PRKAR1A: variants seen among roughly 807,000 people sequenced by gnomAD.
PRKAR1A encodes cAMP-dependent protein kinase type I-alpha regulatory subunit.
In PRKAR1A, 3 loss-of-function variants were observed where a neutral mutation model predicts 52.0. That is an observed-to-expected ratio of 0.06 (90% CI 0.03 to 0.15). PRKAR1A has a LOEUF of 0.15. Among genes scored for constraint, PRKAR1A ranks in the 10% least tolerant of loss-of-function variants. PRKAR1A has a pLI of 1.00. For missense variants in PRKAR1A, 240 were observed against 477.4 expected (o/e 0.50, Z 4.63); for synonymous variants, 188 against 168.4 (o/e 1.12, Z -0.90).
the PRKAR1A span, among the ~76,000 whole-genome samples, chr17:68,495,615 C>T: frequency 6.6e-6 from 1 of 152,128 alleles, no homozygotes; most frequent in Admixed American, 6.5e-5. Context: ...ATTGCACGTG[C>T]TTCTCTTATT....
the PRKAR1A span, among the ~76,000 whole-genome samples, chr17:68,493,360 A>T: frequency 2.0e-5 from 3 of 152,156 alleles, no homozygotes; most frequent in Non-Finnish European, 4.4e-5. Flanking sequence ...AAGAGGGCCA[A>T]GCAGGCAACT....
chr17:68,506,214 C>T, the PRKAR1A span, among the ~76,000 whole-genome samples: 1 of 151,952 alleles, frequency 6.6e-6, no homozygotes, highest in African/African-American at 2.4e-5. Context: ...TCCAGCCTCA[C>T]ACCATCTTCC....
the PRKAR1A span, among the ~76,000 whole-genome samples, chr17:68,434,360 A>G: frequency 6.6e-6 from 1 of 152,324 alleles, no homozygotes; most frequent in East Asian, 1.9e-4. Flanking sequence ...GAACTGTGTT[A>G]AAACAGCATC....
chr17:68,474,483 A>G, the PRKAR1A span, among the ~76,000 whole-genome samples: 2 of 152,208 alleles, frequency 1.3e-5, no homozygotes, highest in Non-Finnish European at 2.9e-5. Flanking sequence ...GATGTCACAC[A>G]TAGTGAGAAG....
chr17:68,489,786 C>T, the PRKAR1A span, among the ~76,000 whole-genome samples: 1 of 151,976 alleles, frequency 6.6e-6, no homozygotes, highest in Non-Finnish European at 1.5e-5. Context: ...GAACTCCTGA[C>T]CTCAAGTGAT....
chr17:68,542,513 T>C (rs2086347908), intron 11 of PRKAR1A, among the ~76,000 whole-genome samples: 1 of 152,074 alleles, frequency 6.6e-6, no homozygotes, highest in Non-Finnish European at 1.5e-5. Context: ...ACCTTTCCCA[T>C]CCAGTTCATC....
the PRKAR1A span, among the ~76,000 whole-genome samples, chr17:68,452,163 CATT>C: frequency 6.6e-6 from 1 of 152,372 alleles, no homozygotes; most frequent in Non-Finnish European, 1.5e-5. Flanking sequence ...GCTTCAACAT[CATT>C]GACATGGGCT....
At chr17:68,460,917 G>C in the PRKAR1A span, among the ~76,000 whole-genome samples, 6 of 152,196 alleles carry the variant, frequency 3.9e-5, no homozygotes, top group Admixed American at 6.5e-5. Context: ...AATAACTTAA[G>C]AGGTGCTGAA....
At chr17:68,523,585 A>G in intron 3 of PRKAR1A, 140 bp from the exon 4 acceptor site, 1 of 701,174 alleles carries the variant, frequency 1.4e-6, no homozygotes, top group Non-Finnish European at 2.6e-6. Context: ...AAGATAGTAC[A>G]AGTGTGTTGT....
At chr17:68,514,905 G>A (rs1236346074) in intron 1 of PRKAR1A, 3 of 181,152 alleles carry the variant, frequency 1.7e-5, no homozygotes, top group Admixed American at 1.1e-4. Flanking sequence ...GCTCTGTGAC[G>A]TTAGGATACT....
chr17:68,446,936 G>A, the PRKAR1A span, among the ~76,000 whole-genome samples: 1 of 152,226 alleles, frequency 6.6e-6, no homozygotes, highest in East Asian at 1.9e-4. Flanking sequence ...GGGAGGGAAC[G>A]AGGATGCACT....
At chr17:68,523,033 C>T (rs2085667501) in intron 3 of PRKAR1A, 107 bp downstream of exon 3, 19 of 1,348,814 alleles carry the variant, frequency 1.4e-5, no homozygotes, top group Non-Finnish European at 1.8e-5. Context: ...GGTGGAACTT[C>T]ATCCATCCTG....
chr17:68,452,834 A>G, the PRKAR1A span: 3 of 1,338,138 alleles, frequency 2.2e-6, no homozygotes, highest in East Asian at 6.9e-5. Context: ...GCAGCTTGGT[A>G]GCACCGCAGA....
the PRKAR1A span, among the ~76,000 whole-genome samples, chr17:68,489,406 A>ATATATATATGGAAAG: frequency 5.4e-4 from 59 of 110,216 alleles, 1 homozygote; most frequent in African/African-American, 1.9e-3. Flanking sequence ...TGGAAAGTAT[A>ATATATATATGGAAAG]TATATATATA....
chr17:68,424,310 T>C, the PRKAR1A span: 2 of 428,544 alleles, frequency 4.7e-6, no homozygotes, highest in Admixed American at 3.0e-5. Flanking sequence ...GCAGAGCCGA[T>C]GTGGGAAATC....
At chr17:68,461,667 C>T in the PRKAR1A span, among the ~76,000 whole-genome samples, 5 of 152,128 alleles carry the variant, frequency 3.3e-5, no homozygotes, top group Admixed American at 1.3e-4. This position sits in a 1 kb window ranked among gnomAD's most constrained non-coding sequence, Gnocchi z 4.6. Context: ...GAACTGAGAA[C>T]GAGTTGAACT....
the PRKAR1A span, among the ~76,000 whole-genome samples, chr17:68,473,089 A>C: frequency 6.6e-6 from 1 of 152,242 alleles, no homozygotes; most frequent in Non-Finnish European, 1.5e-5. Context: ...ATTGAAAGTG[A>C]TATCAGCCTC....
chr17:68,415,758 T>C, the PRKAR1A span, among the ~76,000 whole-genome samples: 2 of 152,256 alleles, frequency 1.3e-5, no homozygotes, highest in Non-Finnish European at 2.9e-5. Context: ...ACACGGCCTT[T>C]TACCATTGTA....
the PRKAR1A span, among the ~76,000 whole-genome samples, chr17:68,417,577 T>C: frequency 1.3e-5 from 2 of 151,954 alleles, no homozygotes; most frequent in African/African-American, 4.8e-5. Context: ...AGGGCTTCCC[T>C]ACTCCTGGCA....
Sources: gnomAD v4.1 joint callset for allele counts (sites outside exome capture counted in the v4.1 genomes callset) on GRCh38, gnomAD v4.1.1 for gene constraint, Gnocchi (gnomAD v3.1) non-coding constraint, MANE v1.5 for transcripts, NCBI Gene and HGNC (gene_info 2026-07-23, HGNC 2026-07-21) for gene names.